MTCL1: variants seen among roughly 807,000 people sequenced by gnomAD.
MTCL1 encodes the protein microtubule cross-linking factor 1.
Under a neutral mutation model 141.4 loss-of-function variants are expected in MTCL1, and 79 were observed. That is an observed-to-expected ratio of 0.56 (90% CI 0.47 to 0.67). The LOEUF (loss-of-function observed/expected upper bound fraction) is 0.67, where lower values mean the gene tolerates loss of function less well. Among genes scored for constraint, MTCL1 ranks in the 30% least tolerant of loss-of-function variants. The pLI, the probability that MTCL1 is intolerant of heterozygous loss-of-function variation, is 0.00. For synonymous variants in MTCL1, 914 were observed against 875.8 expected, an observed-to-expected ratio of 1.04 and a Z score of -0.77; for missense variants, 2,177 against 2,113.9, an observed-to-expected ratio of 1.03 and a Z score of -0.59.
chr18:8,760,017 A>G (rs1037372732), intron 4 of MTCL1, among the ~76,000 whole-genome samples: 1 of 152,142 alleles, frequency 6.6e-6, no homozygotes, highest in African/African-American at 2.4e-5. Flanking sequence ...CTCCAGCTGT[A>G]TGAGAAGCGC....
At chr18:8,752,975 A>G (rs900710650) in intron 4 of MTCL1, among the ~76,000 whole-genome samples, 3 of 152,214 alleles carry the variant, frequency 2.0e-5, no homozygotes, top group African/African-American at 7.2e-5. Context: ...CGTATCGAAC[A>G]TGGCCATCCT....
chr18:8,796,519 A>G (rs2075926120), intron 9 of MTCL1, 57 bp downstream of exon 8: 3 of 1,543,126 alleles, frequency 1.9e-6, no homozygotes, highest in African/African-American at 1.4e-5. Flanking sequence ...GACCCCAGAC[A>G]CTGCTTTCTC....
intron 1 of MTCL1, among the ~76,000 whole-genome samples, chr18:8,709,339 C>A (rs927119643): frequency 1.3e-5 from 2 of 151,950 alleles, no homozygotes; most frequent in South Asian, 4.2e-4. Context: ...ACCACAGGAA[C>A]ACACCACCAA....
intron 4 of MTCL1, among the ~76,000 whole-genome samples, chr18:8,728,932 C>A (rs571363027): frequency 6.6e-6 from 1 of 151,984 alleles, no homozygotes; most frequent in Admixed American, 6.5e-5. Flanking sequence ...ACAAGGGTTT[C>A]ACCATGTTGG....
rs1185017056 is a variant in MTCL1 at position 8,828,754 on chromosome 18, G to C, written c.4723-154G>C. ...CTTGGAGTGAATGTGCTAGATCTGA[G>C]AGCCCGCAAGTCTCTCCTGGTGGCT... On this transcript the variant is annotated intron_variant, in intron 15 of 16. Transcript: ENST00000359865. The surrounding 1 kb of genome is among the most constrained non-coding windows in gnomAD (Gnocchi z 5.2). 6.6e-6 allele frequency among the ~76,000 whole-genome samples: 1 copy of C among 152,202 alleles called. No individual in the cohort carries two copies. The highest frequency in any genetic ancestry group is 1.5e-5 in the Non-Finnish European group (1 of 68,046).
chr18:8,819,799 CAG>C (rs2076782142), intron 13 of MTCL1, among the ~76,000 whole-genome samples: 1 of 152,066 alleles, frequency 6.6e-6, no homozygotes, highest in Non-Finnish European at 1.5e-5. Flanking sequence ...TAAGTAGAGA[CAG>C]GGTCTCCCTA....
chr18:8,802,422 G>A (rs574666249), intron 10 of MTCL1: 42 of 152,320 alleles, frequency 2.8e-4, no homozygotes, highest in African/African-American at 7.9e-4. Context: ...AGTAGTCGGT[G>A]GTGGTTTAGC....
At chr18:8,819,286 T>C (rs779054225) in intron 13 of MTCL1, 27 bp downstream of exon 12, 1 of 1,609,594 alleles carries the variant, frequency 6.2e-7, no homozygotes, top group Non-Finnish European at 8.5e-7. Context: ...CCATCCTAGT[T>C]AACCACTGTG....
At chr18:8,705,657 G>A, upstream of MTCL1, 4 of 1,205,400 alleles carry the variant, frequency 3.3e-6, no homozygotes, top group Non-Finnish European at 3.1e-6. This position sits in a 1 kb window ranked among gnomAD's most constrained non-coding sequence, Gnocchi z 5.2. Flanking sequence ...CGGCGGACCC[G>A]GCCATGGAGA....
intron 4 of MTCL1, among the ~76,000 whole-genome samples, chr18:8,768,277 A>G (rs1176164551): frequency 6.6e-6 from 1 of 152,214 alleles, no homozygotes; most frequent in Admixed American, 6.5e-5. Flanking sequence ...GTAGATGCCT[A>G]TTCACTTTCT....
exon 17 of MTCL1, chr18:8,832,561 C>T (rs1461489233): frequency 2.6e-5 from 4 of 152,168 alleles, no homozygotes; most frequent in African/African-American, 9.7e-5. Flanking sequence ...TTGTACTGTA[C>T]TTTTATTGTT....
chr18:8,713,689 G>T (rs146014657), upstream of MTCL1, among the ~76,000 whole-genome samples: 6 of 152,306 alleles, frequency 3.9e-5, no homozygotes, highest in East Asian at 1.2e-3. Context: ...TCTCTGGGAA[G>T]AGTTGAAACA....
At chr18:8,753,850 C>G (rs953567828) in intron 4 of MTCL1, among the ~76,000 whole-genome samples, 1 of 151,976 alleles carries the variant, frequency 6.6e-6, no homozygotes. Flanking sequence ...AAGACTGTCT[C>G]CTAGTGACAT....
At chr18:8,757,916 A>C (rs2096410294) in intron 4 of MTCL1, among the ~76,000 whole-genome samples, 1 of 152,094 alleles carries the variant, frequency 6.6e-6, no homozygotes, top group South Asian at 2.1e-4. Flanking sequence ...TTAAAGACTG[A>C]CTTGTCAGCT....
chr18:8,717,937 GA>G, exon 2 of MTCL1: 1 of 998,604 alleles, frequency 1.0e-6, no homozygotes, highest in Non-Finnish European at 1.2e-6. Context: ...GCGTCTTGTG[GA>G]ACAGAATTTT....
rs1389635715 is a variant in MTCL1 at position 8,779,364 on chromosome 18, C to G, written c.417+1472C>G. Among the ~76,000 whole-genome samples the G allele has an allele frequency of 6.6e-6, 1 of 152,138 alleles. No individual in the cohort carries two copies. Among genetic ancestry groups the G allele is most frequent in the Non-Finnish European group, 1.5e-5 (1 of 68,032 alleles). On this transcript the variant is annotated intron_variant, in intron 5 of 16. Transcript: ENST00000359865. The surrounding 1 kb of genome is among the most constrained non-coding windows in gnomAD (Gnocchi z 4.1). ...CATTCCTGGGGCTATCCAATGATCTCTCGAAACCAGAAATGATATGCTTCA... is the reference window on the plus strand; with the variant it reads ...CATTCCTGGGGCTATCCAATGATCTGTCGAAACCAGAAATGATATGCTTCA...
chr18:8,815,032 A>C (rs1448219948), intron 12 of MTCL1, among the ~76,000 whole-genome samples: 1 of 152,140 alleles, frequency 6.6e-6, no homozygotes, highest in Admixed American at 6.5e-5. Flanking sequence ...TGGGACTGTA[A>C]ACTAGTTCAA....
chr18:8,716,927 A>G (rs1347831952), upstream of MTCL1, among the ~76,000 whole-genome samples: 10 of 152,196 alleles, frequency 6.6e-5, no homozygotes, highest in Non-Finnish European at 1.5e-4. Context: ...ACCCTTCAGT[A>G]GAGTGAATAT....
intron 11 of MTCL1, among the ~76,000 whole-genome samples, chr18:8,812,268 T>G (rs1381147155): frequency 6.6e-6 from 1 of 152,226 alleles, no homozygotes; most frequent in Non-Finnish European, 1.5e-5. Flanking sequence ...ACAGGTCTGT[T>G]GGCAATGGTT....
Sources: allele counts gnomAD v4.1 joint callset (sites outside exome capture counted in the v4.1 genomes callset), GRCh38; gene constraint gnomAD v4.1.1; non-coding constraint Gnocchi (gnomAD v3.1); transcripts MANE v1.5; gene names NCBI Gene and HGNC (gene_info 2026-07-23, HGNC 2026-07-21).